The following CADPS2 variants were observed in gnomAD, a reference collection of about 807,000 sequenced individuals.
CADPS2 encodes the protein calcium-dependent secretion activator 2.
Under a neutral mutation model 172.5 loss-of-function variants are expected in CADPS2, and 93 were observed. That is an observed-to-expected ratio of 0.54 (90% CI 0.46 to 0.64). CADPS2 has a LOEUF of 0.64. Ranked by LOEUF, CADPS2 falls within the 30% of genes least tolerant of loss-of-function variation. The pLI, the probability that CADPS2 is intolerant of heterozygous loss-of-function variation, is 0.00. For synonymous variants in CADPS2, 546 were observed against 555.2 expected (o/e 0.98, Z 0.23); for missense variants, 1,420 against 1,565.9 (o/e 0.91, Z 1.57).
intron 2 of CADPS2, among the ~76,000 whole-genome samples, chr7:122,734,373 A>AAG (rs2091961173): frequency 9.6e-5 from 9 of 93,866 alleles, no homozygotes; most frequent in Non-Finnish European, 1.7e-4. Flanking sequence ...AAAAAAAAAA[A>AAG]AAAAAAAAAA....
intron 16 of CADPS2, chr7:122,440,043 G>A (rs1355900639): frequency 6.6e-6 from 1 of 152,136 alleles, no homozygotes; most frequent in Non-Finnish European, 1.5e-5. Flanking sequence ...ATGTTCTTCC[G>A]AGGTATCATA....
chr7:122,774,526 G>A (rs2093815355), intron 1 of CADPS2, among the ~76,000 whole-genome samples: 1 of 152,024 alleles, frequency 6.6e-6, no homozygotes. Context: ...GGATCAGTTT[G>A]TTTAATAAAA....
At chr7:122,520,609 A>G (rs1484660085) in intron 8 of CADPS2, among the ~76,000 whole-genome samples, 1 of 152,100 alleles carries the variant, frequency 6.6e-6, no homozygotes, top group Non-Finnish European at 1.5e-5. Flanking sequence ...AATATTCTCT[A>G]TGCCAGATTT....
intron 9 of CADPS2, among the ~76,000 whole-genome samples, chr7:122,511,602 C>G (rs903790028): frequency 6.6e-6 from 1 of 152,136 alleles, no homozygotes; most frequent in Non-Finnish European, 1.5e-5. Flanking sequence ...CCTATGCTTG[C>G]TAAGTTAGCT....
Position 122,681,432 on chromosome 7 carries a change from G to A in CADPS2, c.454-17863C>T, listed in dbSNP as rs144834693. 3,366 of 1,539,726 alleles carry A rather than the reference G, an allele frequency of 2.2e-3. 54 individuals carry two copies. In the African/African-American group the frequency reaches 0.035, roughly 16 times the overall value. On this transcript the variant is annotated intron_variant, in intron 2 of 29. Coordinates refer to ENST00000449022, the MANE Select transcript of CADPS2 (RefSeq NM_017954.11). ...CAAGGACAAGGCCATTAAGAAATTC[G>A]TCATTCGAAACATAGTGGAGGCCGT...
At chr7:122,577,850 G>GT (rs1460506978) in intron 7 of CADPS2, among the ~76,000 whole-genome samples, 2 of 151,972 alleles carry the variant, frequency 1.3e-5, no homozygotes, top group African/African-American at 4.8e-5. Flanking sequence ...ATTTTAGTAG[G>GT]TGTACAGTGG....
intron 27 of CADPS2, among the ~76,000 whole-genome samples, chr7:122,345,927 T>C (rs1211533521): frequency 3.3e-5 from 5 of 151,614 alleles, no homozygotes; most frequent in Non-Finnish European, 7.4e-5. Flanking sequence ...TCTTTTTTTT[T>C]TTTTTGTTAA....
Position 122,576,002 on chromosome 7 carries a change from T to C in CADPS2, c.1335+5177A>G, listed in dbSNP as rs548846910. Among the ~76,000 whole-genome samples, 6 of 152,328 alleles carry C rather than the reference T, an allele frequency of 3.9e-5. No homozygotes were observed. The East Asian group carries it at 1.2e-3, about 29-fold the overall frequency. On this transcript the variant is annotated intron_variant, in intron 7 of 29. Transcript: ENST00000449022. ...TTACTATTAACTGAATTCCAGATTT[T>C]ATTTGGATTTCACAAGTTTGTTCAT...
intron 6 of CADPS2, among the ~76,000 whole-genome samples, chr7:122,613,630 G>A (rs1395537730): frequency 6.6e-6 from 1 of 151,544 alleles, no homozygotes; most frequent in African/African-American, 2.4e-5. Context: ...TAAATCAGTG[G>A]TTGGTTAAGG....
intron 28 of CADPS2, among the ~76,000 whole-genome samples, chr7:122,332,879 GTTC>G (rs2035220365): frequency 6.6e-6 from 1 of 152,120 alleles, no homozygotes. Context: ...AAAAAATAAT[GTTC>G]TTTATTATCA....
At chr7:122,511,383 A>G (rs190864710) in intron 9 of CADPS2, among the ~76,000 whole-genome samples, 1 of 152,254 alleles carries the variant, frequency 6.6e-6, no homozygotes, top group East Asian at 1.9e-4. Context: ...GGGGCAAAAG[A>G]TTACTTGGAA....
At chr7:122,799,515 A>G (rs1430134777) in intron 1 of CADPS2, among the ~76,000 whole-genome samples, 1 of 151,464 alleles carries the variant, frequency 6.6e-6, no homozygotes, top group Non-Finnish European at 1.5e-5. Context: ...AGGCGGGAGA[A>G]TGGCGTGAAC....
At chr7:122,490,583 T>A (rs2058192218) in intron 10 of CADPS2, among the ~76,000 whole-genome samples, 1 of 152,134 alleles carries the variant, frequency 6.6e-6, no homozygotes, top group Non-Finnish European at 1.5e-5. Flanking sequence ...CAATCTGATA[T>A]TTCATGCCAG....
chr7:122,319,040 A>G lies in CADPS2; in HGVS notation c.*1125T>C, dbSNP rs1048311214. 6.6e-6 allele frequency: 1 copy of G among 152,214 alleles called. No homozygotes were observed. The highest frequency in any genetic ancestry group is 2.4e-5 in the African/African-American group (1 of 41,452). The allele number at this position is 152,214 out of a possible 1,614,324, so 9.4% of individuals were successfully genotyped here. A position where few individuals can be genotyped will look rare whatever the true frequency, so the allele number is the denominator to read the frequency against. The stretch of plus-strand genomic sequence containing the variant: ...CAATTATCTCTCAAACCCTAGCAAG[A>G]AAATATTTTGAGAGAACCACTAATA... On this transcript the variant is annotated 3_prime_UTR_variant, in exon 30 of 30. Coordinates refer to ENST00000449022, the MANE Select transcript of CADPS2 (RefSeq NM_017954.11).
At chr7:122,332,573 G>A (rs1466412101) in intron 28 of CADPS2, among the ~76,000 whole-genome samples, 1 of 151,994 alleles carries the variant, frequency 6.6e-6, no homozygotes, top group Non-Finnish European at 1.5e-5. Context: ...ACATTGGGAA[G>A]GTTGGTATAA....
At chr7:122,541,098 G>C (rs1299499063) in intron 8 of CADPS2, among the ~76,000 whole-genome samples, 2 of 151,720 alleles carry the variant, frequency 1.3e-5, no homozygotes, top group African/African-American at 4.8e-5. Context: ...AAAAATATGT[G>C]CACCAAATAG....
intron 2 of CADPS2, among the ~76,000 whole-genome samples, chr7:122,730,519 AACT>A (rs910117518): frequency 1.4e-4 from 21 of 151,824 alleles, no homozygotes; most frequent in African/African-American, 5.1e-4. Flanking sequence ...ATGAAAACAT[AACT>A]AATAAGCAAG....
chr7:122,708,418 T>C (rs923642819), intron 2 of CADPS2, among the ~76,000 whole-genome samples: 6 of 147,618 alleles, frequency 4.1e-5, no homozygotes, highest in Non-Finnish European at 7.5e-5. Flanking sequence ...ACTGATTCTA[T>C]ATATGTACAC....
In CADPS2 at chr7:122,415,003, CTCTT is replaced by C. The variant is rs1370105716; in HGVS notation, c.2581-931_2581-928del. Among the ~76,000 whole-genome samples, 8 of 152,252 alleles carry C rather than the reference CTCTT, an allele frequency of 5.3e-5. No homozygotes were observed. In the East Asian group the frequency reaches 1.5e-3, roughly 29 times the overall value. On this transcript the variant is annotated intron_variant, in intron 18 of 29. Transcript: ENST00000449022. Reference sequence around the variant, plus strand: ...CCCCACCCAACTCAAAGTCAGAAAACTCTTTCATTTTTGTTAACAAACTCATGGC... The same window carrying C: ...CCCCACCCAACTCAAAGTCAGAAAACTCATTTTTGTTAACAAACTCATGGC...
Sources: allele counts gnomAD v4.1 joint callset (sites outside exome capture counted in the v4.1 genomes callset), GRCh38; gene constraint gnomAD v4.1.1; transcripts MANE v1.5; gene names NCBI Gene and HGNC (gene_info 2026-07-23, HGNC 2026-07-21).